The following EYA4 variants were observed in gnomAD, a reference collection of about 807,000 sequenced individuals.
EYA4 encodes protein phosphatase EYA4.
A neutral mutation model predicts 87.9 loss-of-function variants in EYA4; 31 were observed. That is an observed-to-expected ratio of 0.35 (90% CI 0.27 to 0.48). The LOEUF is 0.48. Among genes scored for constraint, EYA4 ranks in the 20% least tolerant of loss-of-function variants. The pLI is 0.99. For missense variants in EYA4, 678 were observed against 761.4 expected, an observed-to-expected ratio of 0.89 and a Z score of 1.29; for synonymous variants, 263 against 270.6, an observed-to-expected ratio of 0.97 and a Z score of 0.28.
intron 2 of EYA4, among the ~76,000 whole-genome samples, chr6:133,324,712 C>T (rs1365691365): frequency 6.6e-6 from 1 of 152,016 alleles, no homozygotes; most frequent in Non-Finnish European, 1.5e-5. Context: ...GCTCAGGACC[C>T]TCAGTAAATG....
intron 13 of EYA4, among the ~76,000 whole-genome samples, chr6:133,495,046 A>C (rs1022858974): frequency 3.9e-5 from 6 of 152,118 alleles, no homozygotes; most frequent in African/African-American, 1.4e-4. Flanking sequence ...AAGTGGGCAG[A>C]TCATCTGAGG....
At position 133,530,047 on chromosome 6, in the gene EYA4, T is replaced by C. The variant is rs1800919548; in HGVS notation, c.*1242T>C. The C allele has an allele frequency of 1.0e-6, 1 of 985,052 alleles. No individual in the cohort carries two copies. Among genetic ancestry groups the C allele is most frequent in the Non-Finnish European group, 1.2e-6 (1 of 829,656 alleles). The allele number at this position is 985,052 out of a possible 1,614,324, so 61.0% of individuals were successfully genotyped here. The stretch of plus-strand genomic sequence containing the variant: ...CCCAATGCCATGGCAAAAATGATAA[T>C]ATCATCAGAAATGGAAGGCAGTTCT... On this transcript the variant is annotated 3_prime_UTR_variant, in exon 20 of 20. Transcript: ENST00000355286.
At chr6:133,333,001 G>T (rs181281135) in intron 2 of EYA4, among the ~76,000 whole-genome samples, 1 of 152,168 alleles carries the variant, frequency 6.6e-6, no homozygotes, top group Admixed American at 6.5e-5. Context: ...CAGATTCCCA[G>T]TCTAATTTCT....
chr6:133,531,631 A>G lies in EYA4; in HGVS notation c.*2826A>G, dbSNP rs1801015597. The G allele has an allele frequency of 1.2e-5, 2 of 173,016 alleles. No individual in the cohort carries two copies. The highest frequency in any genetic ancestry group is 2.4e-5 in the African/African-American group (1 of 42,178). The allele number at this position is 173,016 out of a possible 1,614,324, so 10.7% of individuals were successfully genotyped here. ...AAATAGGTGGCCTGGCTATGGTATTATAGCATACAATTAGGACACTATGCC... is the reference window on the plus strand; with the variant it reads ...AAATAGGTGGCCTGGCTATGGTATTGTAGCATACAATTAGGACACTATGCC... On this transcript the variant is annotated 3_prime_UTR_variant, in exon 20 of 20. Transcript: ENST00000355286.
intron 3 of EYA4, among the ~76,000 whole-genome samples, chr6:133,412,667 T>C (rs1234471974): frequency 6.6e-6 from 1 of 152,226 alleles, no homozygotes; most frequent in Non-Finnish European, 1.5e-5. Context: ...TAAGATGTCA[T>C]GTCTTGATAC....
chr6:133,391,480 T>A (rs1787292741), intron 3 of EYA4, among the ~76,000 whole-genome samples: 1 of 152,212 alleles, frequency 6.6e-6, no homozygotes, highest in Admixed American at 6.5e-5. Context: ...CTCTTATTCA[T>A]CTCTGTCCCC....
chr6:133,517,076 C>G (rs958933203), intron 17 of EYA4, among the ~76,000 whole-genome samples: 2 of 152,070 alleles, frequency 1.3e-5, no homozygotes, highest in African/African-American at 4.8e-5. Flanking sequence ...GTCTTTAGAT[C>G]TTTGAGGATT....
chr6:133,450,451 CT>C (rs1292832145), intron 5 of EYA4, among the ~76,000 whole-genome samples: 2 of 152,270 alleles, frequency 1.3e-5, no homozygotes, highest in East Asian at 3.9e-4. Context: ...AAGAAAAGAA[CT>C]AATTTAATAG....
At chr6:133,475,007 G>A (rs1479232431) in intron 11 of EYA4, among the ~76,000 whole-genome samples, 1 of 152,042 alleles carries the variant, frequency 6.6e-6, no homozygotes, top group Non-Finnish European at 1.5e-5. Context: ...AACTTAAAAG[G>A]TGCAGTTATT....
chr6:133,442,478 GT>G (rs930780654), intron 3 of EYA4, among the ~76,000 whole-genome samples: 5 of 151,514 alleles, frequency 3.3e-5, no homozygotes, highest in East Asian at 1.9e-4. Flanking sequence ...ATTTTTTAGG[GT>G]TTTTTTTAGT....
intron 2 of EYA4, among the ~76,000 whole-genome samples, chr6:133,359,599 C>T (rs553080819): frequency 6.6e-6 from 1 of 152,246 alleles, no homozygotes; most frequent in African/African-American, 2.4e-5. Flanking sequence ...TGTGTGAGAG[C>T]CCATTGGATT....
chr6:133,306,667 C>T (rs1471076137), intron 2 of EYA4, among the ~76,000 whole-genome samples: 1 of 152,104 alleles, frequency 6.6e-6, no homozygotes. Flanking sequence ...TTTAGATTCT[C>T]TCATTTGTTT....
In EYA4 at chr6:133,528,664, T is replaced by C; in HGVS notation, c.1840-61T>C. On this transcript the variant is annotated intron_variant, in intron 19 of 19. Coordinates refer to ENST00000355286, the MANE Select transcript of EYA4 (RefSeq NM_004100.5). ...CTTCATTGAGACAATGGTTGTGATC[T>C]CTCTCCATGCCTCATTCCTTCCCCT... 7 of 1,171,142 alleles carry C rather than the reference T, an allele frequency of 6.0e-6. No individual in the cohort carries two copies. The South Asian group carries it at 8.5e-5, about 14-fold the overall frequency. 72.5% of individuals were successfully genotyped at this position (1,171,142 alleles called of 1,614,324 possible). A position where few individuals can be genotyped will look rare whatever the true frequency, so the allele number is the denominator to read the frequency against.
intron 2 of EYA4, among the ~76,000 whole-genome samples, chr6:133,363,889 G>A (rs1385180063): frequency 1.3e-5 from 2 of 152,202 alleles, no homozygotes; most frequent in Non-Finnish European, 2.9e-5. Flanking sequence ...GCAAATTTAG[G>A]AATGCAGCCA....
Position 133,523,113 on chromosome 6 carries a change from G to A in EYA4, c.1674G>A (p.Lys558=). The change falls in exon 18 of 20, where the codon AAG becomes AAA. Residue 558 remains lysine, a synonymous_variant. Coordinates refer to ENST00000355286, the MANE Select transcript of EYA4 (RefSeq NM_004100.5). ...TTTQLIPALA[K]VLLYSLGGAF... is the part of the protein sequence containing the mutation. ...CTCAACTGATCCCAGCACTTGCGAA[G>A]GTTCTACTCTATAGTTTAGGAGGTG... 14 of 1,612,324 alleles carry A rather than the reference G, an allele frequency of 8.7e-6. No individual in the cohort carries two copies. The highest frequency in any genetic ancestry group is 1.2e-5 in the Non-Finnish European group (14 of 1,178,620).
intron 3 of EYA4, among the ~76,000 whole-genome samples, chr6:133,410,670 AT>A (rs1432363292): frequency 1.6e-5 from 2 of 128,628 alleles, no homozygotes; most frequent in African/African-American, 5.0e-5. Flanking sequence ...CCCCGTTTGC[AT>A]TGAAGGCTCC....
At chr6:133,437,653 C>G (rs1008456153) in intron 3 of EYA4, among the ~76,000 whole-genome samples, 1 of 152,112 alleles carries the variant, frequency 6.6e-6, no homozygotes, top group Non-Finnish European at 1.5e-5. Flanking sequence ...CTTACAGTTC[C>G]GCATGGCTGG....
intron 13 of EYA4, among the ~76,000 whole-genome samples, chr6:133,502,043 T>TTCTCTCTC (rs3836968): frequency 2.0e-5 from 3 of 146,404 alleles, no homozygotes; most frequent in African/African-American, 7.6e-5. Context: ...CATCTTCCTC[T>TTCTCTCTC]TCTCTCTCTC....
At position 133,321,908 on chromosome 6, in the gene EYA4, G is replaced by A. The variant is rs569057345; in HGVS notation, c.33+47095G>A. On this transcript the variant is annotated intron_variant, in intron 2 of 19. Transcript: ENST00000355286. ...AGCCAGATTCTTGCCTGCTCTGGAC[G>A]TAGAGGCCCGAGGGCCCATGGTCTC... 1.0e-3 allele frequency among the ~76,000 whole-genome samples: 156 copies of A among 152,264 alleles called. 1 individual carries two copies. The highest frequency in any genetic ancestry group is 3.6e-3 in the African/African-American group (150 of 41,552).
Sources: gnomAD v4.1 joint callset for allele counts (sites outside exome capture counted in the v4.1 genomes callset) on GRCh38, gnomAD v4.1.1 for gene constraint, MANE v1.5 for transcripts, NCBI Gene and HGNC (gene_info 2026-07-23, HGNC 2026-07-21) for gene names.